FAM20B: variants seen among roughly 807,000 people sequenced by gnomAD.
The protein encoded by FAM20B is glycosaminoglycan xylosylkinase.
In FAM20B, 23 loss-of-function variants were observed where a neutral mutation model predicts 43.8. The ratio of observed to expected loss-of-function variants is 0.53; its 90% CI spans 0.38 to 0.74. The LOEUF (loss-of-function observed/expected upper bound fraction) is 0.74, where lower values mean the gene tolerates loss of function less well. FAM20B is among the 30% of genes least tolerant of loss of function. The pLI, the probability that FAM20B is intolerant of heterozygous loss-of-function variation, is 0.00. For missense variants in FAM20B, 440 were observed against 510.5 expected, an observed-to-expected ratio of 0.86 and a Z score of 1.33; for synonymous variants, 178 against 192.4, an observed-to-expected ratio of 0.93 and a Z score of 0.62.
intron 1 of FAM20B, among the ~76,000 whole-genome samples, chr1:179,028,994 C>G (rs1649901478): frequency 6.6e-6 from 1 of 152,228 alleles, no homozygotes; most frequent in South Asian, 2.1e-4. Flanking sequence ...GTGTTCTAAA[C>G]CACCTGGAGC....
At chr1:179,034,319 C>G (rs1650129381) in intron 1 of FAM20B, among the ~76,000 whole-genome samples, 1 of 152,166 alleles carries the variant, frequency 6.6e-6, no homozygotes, top group African/African-American at 2.4e-5. Flanking sequence ...CCACAACATT[C>G]TATTGTCAAA....
chr1:179,057,679 T>G (rs985399257), intron 4 of FAM20B, among the ~76,000 whole-genome samples: 1 of 152,220 alleles, frequency 6.6e-6, no homozygotes, highest in Non-Finnish European at 1.5e-5. Flanking sequence ...TAGCTTATAG[T>G]CTTTATTTAT....
chr1:179,058,570 A>G (rs1347894692), intron 4 of FAM20B, among the ~76,000 whole-genome samples: 2 of 152,214 alleles, frequency 1.3e-5, no homozygotes, highest in East Asian at 3.8e-4. Flanking sequence ...TGGTCAGGAC[A>G]GTGTCACTGA....
At chr1:179,039,713 C>A (rs1650399170) in intron 1 of FAM20B, among the ~76,000 whole-genome samples, 1 of 151,492 alleles carries the variant, frequency 6.6e-6, no homozygotes, top group African/African-American at 2.4e-5. Context: ...CTCCTCTGCA[C>A]CCTGTGGCAT....
At chr1:179,020,341 C>T in the FAM20B span, among the ~76,000 whole-genome samples, 18 of 152,178 alleles carry the variant, frequency 1.2e-4, no homozygotes, top group African/African-American at 4.3e-4. Context: ...CTAAGCCCCA[C>T]TGGAAGGAAA....
intron 1 of FAM20B, among the ~76,000 whole-genome samples, chr1:179,035,839 G>C (rs1650202837): frequency 6.6e-6 from 1 of 152,034 alleles, no homozygotes; most frequent in Non-Finnish European, 1.5e-5. Flanking sequence ...GAATGAAAGT[G>C]AATTAGCCGG....
At chr1:179,038,411 CAAAA>C (rs34979873) in intron 1 of FAM20B, among the ~76,000 whole-genome samples, 1 of 132,886 alleles carries the variant, frequency 7.5e-6, no homozygotes, top group South Asian at 2.5e-4. Context: ...AACTGCATCT[CAAAA>C]AAAAAAAAAA....
intron 3 of FAM20B, among the ~76,000 whole-genome samples, chr1:179,050,623 GAT>G (rs1650966402): frequency 6.6e-6 from 1 of 152,158 alleles, no homozygotes; most frequent in African/African-American, 2.4e-5. Flanking sequence ...CATCAGTGAA[GAT>G]ATTCTTGGTA....
At chr1:179,028,906 A>G (rs749268034) in intron 1 of FAM20B, among the ~76,000 whole-genome samples, 4 of 152,260 alleles carry the variant, frequency 2.6e-5, no homozygotes, top group Non-Finnish European at 5.9e-5. Context: ...AAAAGAAAAA[A>G]AAAGCGTAGA....
At chr1:179,050,147 T>A in intron 2 of FAM20B, 132 bp from the exon 3 acceptor site, 1 of 604,462 alleles carries the variant, frequency 1.7e-6, no homozygotes, top group Admixed American at 2.7e-5. Context: ...AATCCACAGT[T>A]GTTTGCAGGG....
chr1:179,031,681 A>G (rs1226010143), intron 1 of FAM20B, among the ~76,000 whole-genome samples: 1 of 152,190 alleles, frequency 6.6e-6, no homozygotes, highest in Non-Finnish European at 1.5e-5. Flanking sequence ...TGGAAGTGAA[A>G]ACAGTAAGGA....
At chr1:179,068,733 C>CCAAT (rs1179944040) in intron 7 of FAM20B, among the ~76,000 whole-genome samples, 3 of 152,118 alleles carry the variant, frequency 2.0e-5, no homozygotes, top group Non-Finnish European at 4.4e-5. Flanking sequence ...TGCGCCCGAC[C>CCAAT]CAATATAAAG....
chr1:179,018,976 C>T, the FAM20B span, among the ~76,000 whole-genome samples: 30 of 152,294 alleles, frequency 2.0e-4, no homozygotes, highest in South Asian at 1.7e-3. Flanking sequence ...GGGGTAGCAA[C>T]GGCAGGGGAA....
At chr1:179,028,046 A>G (rs917974015) in intron 1 of FAM20B, among the ~76,000 whole-genome samples, 1 of 152,190 alleles carries the variant, frequency 6.6e-6, no homozygotes, top group Non-Finnish European at 1.5e-5. Flanking sequence ...TTAAATTCCT[A>G]AATGAAACTT....
intron 1 of FAM20B, among the ~76,000 whole-genome samples, chr1:179,034,247 C>A (rs942395212): frequency 6.6e-6 from 1 of 152,162 alleles, no homozygotes. Context: ...AGCTAGATCC[C>A]GTGAAAGTGG....
intron 4 of FAM20B, among the ~76,000 whole-genome samples, chr1:179,056,626 A>G (rs750388893): frequency 1.3e-5 from 2 of 152,220 alleles, no homozygotes; most frequent in Non-Finnish European, 2.9e-5. Flanking sequence ...TTGTATTGAC[A>G]TAAGTTTTCA....
At position 179,072,234 on chromosome 1, in the gene FAM20B, G is replaced by A. The variant is rs774457923; in HGVS notation, c.*90G>A. 7.4e-5 allele frequency: 78 copies of A among 1,052,492 alleles called. No homozygotes were observed. The highest frequency in any genetic ancestry group is 9.7e-5 in the Non-Finnish European group (70 of 718,546). 65.2% of individuals were successfully genotyped at this position (1,052,492 alleles called of 1,614,324 possible). A position where few individuals can be genotyped will look rare whatever the true frequency, so the allele number is the denominator to read the frequency against. ...AATGGTATGAGATGGATTGGAAGTG[G>A]CCAGCAGCAAGTTCTGGTGACGGGA... is the stretch of plus-strand genomic sequence containing the variant. On this transcript the variant is annotated 3_prime_UTR_variant, in exon 8 of 8. Transcript: ENST00000263733.
intron 1 of FAM20B, 146 bp from the exon 2 acceptor site, chr1:179,043,569 A>G (rs1557870687): frequency 9.6e-6 from 3 of 313,292 alleles, no homozygotes; most frequent in East Asian, 1.2e-4. Context: ...CCTTCTCCAG[A>G]TTAGTTAATT....
Position 179,064,035 on chromosome 1 carries a change from T to C in FAM20B, c.683T>C (p.Val228Ala). ...TCTGTCACACTTTGGCTTCCAGATG[T>C]GTGGCCTCTGCAGAAGCACCGTCAC... ...EGSVTLWLPD[V>A]WPLQKHRHPW... Residue 228 changes from valine to alanine, a missense_variant, in exon 5 of 8, where the codon GTG becomes GCG. Coordinates refer to ENST00000263733, the MANE Select transcript of FAM20B (RefSeq NM_014864.4). The C allele has an allele frequency of 6.2e-7, 1 of 1,614,068 alleles. No individual in the cohort carries two copies. Among genetic ancestry groups the C allele is most frequent in the Non-Finnish European group, 8.5e-7 (1 of 1,179,948 alleles).
Sources: allele counts gnomAD v4.1 joint callset (sites outside exome capture counted in the v4.1 genomes callset), GRCh38; gene constraint gnomAD v4.1.1; transcripts MANE v1.5; gene names NCBI Gene and HGNC (gene_info 2026-07-23, HGNC 2026-07-21).